SASS6: variants seen among roughly 807,000 people sequenced by gnomAD.
The protein encoded by SASS6 is spindle assembly abnormal protein 6 homolog.
In SASS6, 59 loss-of-function variants were observed where a neutral mutation model predicts 94.9. The ratio of observed to expected loss-of-function variants is 0.62; its 90% confidence interval spans 0.50 to 0.77. The LOEUF is 0.77. Ranked by LOEUF, SASS6 falls within the 30% of genes least tolerant of loss-of-function variation. The probability of loss-of-function intolerance (pLI) is 0.00; values close to 1 mark genes in which losing one functional copy is unlikely to be tolerated. For missense variants in SASS6, 698 were observed against 734.1 expected (o/e 0.95, Z 0.57); for synonymous variants, 264 against 270.0 (o/e 0.98, Z 0.22).
At chr1:100,130,082 C>T (rs1324025375) in intron 1 of SASS6, among the ~76,000 whole-genome samples, 1 of 152,152 alleles carries the variant, frequency 6.6e-6, no homozygotes, top group Admixed American at 6.5e-5. Context: ...AGATGAGACA[C>T]AGAGAAGGAA....
chr1:100,121,615 A>C, intron 4 of SASS6, 66 bp from the exon 5 acceptor site: 1 of 894,574 alleles, frequency 1.1e-6, no homozygotes, highest in Non-Finnish European at 1.8e-6. Flanking sequence ...ACTGAATCAG[A>C]AGCTTCTCTA....
chr1:100,111,332 T>C (rs1653315997), intron 7 of SASS6, among the ~76,000 whole-genome samples: 1 of 152,048 alleles, frequency 6.6e-6, no homozygotes, highest in South Asian at 2.1e-4. Context: ...TACAATTTAA[T>C]CACACTTTTT....
intron 1 of SASS6, among the ~76,000 whole-genome samples, chr1:100,126,693 C>T (rs552947087): frequency 2.6e-5 from 4 of 152,128 alleles, no homozygotes; most frequent in South Asian, 4.2e-4. Flanking sequence ...TGGAGAAATG[C>T]GGAACCTGGT....
Position 100,083,854 on chromosome 1 carries a change from C to T in SASS6, c.*1474G>A, listed in dbSNP as rs1156313586. 3 of 151,802 alleles carry T rather than the reference C, an allele frequency of 2.0e-5. No individual in the cohort carries two copies. Among genetic ancestry groups the T allele is most frequent in the African/African-American group, 7.3e-5 (3 of 41,328 alleles). 9.4% of individuals were successfully genotyped at this position (151,802 alleles called of 1,614,324 possible). ...GAGAGCTACCTGTATGTCATGCATC[C>T]CATCCAAAACATGTCACAATATTTT... On this transcript the variant is annotated 3_prime_UTR_variant, in exon 17 of 17. Coordinates refer to ENST00000287482, the MANE Select transcript of SASS6 (RefSeq NM_194292.3).
intron 7 of SASS6, among the ~76,000 whole-genome samples, chr1:100,116,440 CGGTATACCTACCTACTTT>C (rs1557891176): frequency 6.6e-6 from 1 of 152,064 alleles, no homozygotes; most frequent in Non-Finnish European, 1.5e-5. Flanking sequence ...CAATGTAAAC[CGGTATACCTACCTACTTT>C]GGGAAACTGG....
intron 7 of SASS6, among the ~76,000 whole-genome samples, chr1:100,111,995 G>C (rs1653371754): frequency 6.6e-6 from 1 of 151,994 alleles, no homozygotes; most frequent in Non-Finnish European, 1.5e-5. Flanking sequence ...AAAAAAAAGT[G>C]TGAGAACTAG....
In SASS6 at chr1:100,121,457, G is replaced by A; in HGVS notation, c.404C>T (p.Thr135Ile). ...AGGTAAAAGTTTTAGTGAGAGGTGT[G>A]TAAGATGCTTAAAAGGATTTGTCTC... ...VVETNPFKHLTHLSLKLLPGN... is the reference protein window; with the variant it reads ...VVETNPFKHLIHLSLKLLPGN... Residue 135 changes from threonine to isoleucine, a missense_variant, in exon 5 of 17, where the codon ACA (threonine) becomes ATA (isoleucine). Physicochemically the swap from Thr to Ile is moderately conservative, Grantham distance 89. Transcript: ENST00000287482. 6.3e-7 allele frequency: 1 copy of A among 1,599,224 alleles called. No individual in the cohort carries two copies. The highest frequency in any genetic ancestry group is 8.6e-7 in the Non-Finnish European group (1 of 1,169,150).
chr1:100,100,254 A>G (rs1283962243), intron 14 of SASS6, among the ~76,000 whole-genome samples: 1 of 152,166 alleles, frequency 6.6e-6, no homozygotes, highest in Non-Finnish European at 1.5e-5. Context: ...TGACAGAGTG[A>G]GACTCTGTCA....
chr1:100,108,556 C>A (rs1009684299), intron 8 of SASS6, among the ~76,000 whole-genome samples: 1 of 152,030 alleles, frequency 6.6e-6, no homozygotes, highest in Non-Finnish European at 1.5e-5. Context: ...TACAATAGAT[C>A]TCTTCCCAAT....
Position 100,108,215 on chromosome 1 carries a change from T to C in SASS6, c.862-211A>G, listed in dbSNP as rs1287331797. ...ATTGTAAAATATTCTACTATCTGATTCAATCATATCAAGGGAAAATAATTC... is the reference window on the plus strand; with the variant it reads ...ATTGTAAAATATTCTACTATCTGATCCAATCATATCAAGGGAAAATAATTC... On this transcript the variant is annotated intron_variant, in intron 8 of 16. Coordinates refer to ENST00000287482, the MANE Select transcript of SASS6 (RefSeq NM_194292.3). Among the ~76,000 whole-genome samples, 44 of 152,124 alleles carry C rather than the reference T, an allele frequency of 2.9e-4. 1 individual carries two copies. The highest frequency in any genetic ancestry group is 2.9e-3 in the Admixed American group (44 of 15,268).
At chr1:100,119,382 T>C (rs1035626326) in intron 6 of SASS6, among the ~76,000 whole-genome samples, 1 of 152,234 alleles carries the variant, frequency 6.6e-6, no homozygotes, top group Admixed American at 6.5e-5. Context: ...AAGCTTTTAA[T>C]TAAATCTGGC....
chr1:100,123,166 CTTA>C, intron 3 of SASS6, 41 bp downstream of exon 3: 4 of 815,716 alleles, frequency 4.9e-6, no homozygotes, highest in Non-Finnish European at 8.2e-6. Flanking sequence ...AACTTAGAAA[CTTA>C]TTTTTTCACT....
rs1311462377 is a variant in SASS6, at chr1:100,088,325, CTG to C, written c.1675-91_1675-90del. On this transcript the variant is annotated intron_variant, in intron 14 of 16. Transcript: ENST00000287482. ...GGGGGATTTTAAACAGAGCCTTGCT[CTG>C]TTGCTTAAGCTGGAGTAAAGTGGCA... 15 of 668,954 alleles carry C rather than the reference CTG, an allele frequency of 2.2e-5. No homozygotes were observed. The Admixed American group carries it at 2.4e-4, about 11-fold the overall frequency. 41.4% of individuals were successfully genotyped at this position (668,954 alleles called of 1,614,324 possible).
chr1:100,085,380 G>GC lies in SASS6; in HGVS notation c.1921dup (p.Ala641GlyfsTer36). 6.2e-7 allele frequency: 1 copy of GC among 1,613,486 alleles called. No individual in the cohort carries two copies. Among genetic ancestry groups the GC allele is most frequent in the Non-Finnish European group, 8.5e-7 (1 of 1,179,464 alleles). ...ATAGGCTGAAGACGCAGAGGGGAGC[G>GC]CTGTGGGTTTGGAAGATGTATGTAA... On this transcript the variant is annotated frameshift_variant, in exon 17 of 17. Transcript: ENST00000287482. LOFTEE classifies it high-confidence loss of function.
At chr1:100,098,825 C>T (rs193177670) in intron 14 of SASS6, among the ~76,000 whole-genome samples, 15 of 152,204 alleles carry the variant, frequency 9.9e-5, no homozygotes, top group East Asian at 9.6e-4. Context: ...AAAAGCAAGG[C>T]GCAGAACAAT....
chr1:100,122,550 T>TTTA, intron 3 of SASS6, 66 bp from the exon 4 acceptor site: 2 of 46,156 alleles, frequency 4.3e-5, no homozygotes, highest in Non-Finnish European at 6.5e-5. Context: ...TTTTGGTGCC[T>TTTA]TTTTTTTTTT....
intron 14 of SASS6, chr1:100,099,477 A>C (rs1310837637): frequency 6.5e-6 from 1 of 152,954 alleles, no homozygotes; most frequent in Non-Finnish European, 1.5e-5. Context: ...GAGAATCAAG[A>C]GATGCCTAGG....
At chr1:100,087,154 G>T (rs1177367997) in intron 15 of SASS6, among the ~76,000 whole-genome samples, 2 of 152,074 alleles carry the variant, frequency 1.3e-5, no homozygotes, top group South Asian at 2.1e-4. Context: ...GTTAATTTTT[G>T]TATTTTTCGT....
chr1:100,128,228 G>A (rs1654762780), intron 1 of SASS6, among the ~76,000 whole-genome samples: 1 of 152,014 alleles, frequency 6.6e-6, no homozygotes, highest in Non-Finnish European at 1.5e-5. Flanking sequence ...GTAGAGATGG[G>A]GTTTCACCAT....
Sources: gnomAD v4.1 joint callset for allele counts (sites outside exome capture counted in the v4.1 genomes callset) on GRCh38, gnomAD v4.1.1 for gene constraint, MANE v1.5 for transcripts, NCBI Gene and HGNC (gene_info 2026-07-23, HGNC 2026-07-21) for gene names.